LRRC49: variants seen among roughly 807,000 people sequenced by gnomAD.
LRRC49 encodes the protein leucine rich repeat containing 49.
In LRRC49, 50 loss-of-function variants were observed where a neutral mutation model predicts 83.3. That is an observed-to-expected ratio of 0.60 (90% CI 0.48 to 0.76). The LOEUF (loss-of-function observed/expected upper bound fraction) is 0.76. LRRC49 is among the 30% of genes least tolerant of loss of function. LRRC49 has a pLI of 0.00. For missense variants in LRRC49, 704 were observed against 809.1 expected, an observed-to-expected ratio of 0.87 and a Z score of 1.58; for synonymous variants, 286 against 283.3, an observed-to-expected ratio of 1.01 and a Z score of -0.10.
At chr15:70,891,567 CTG>C (rs3220843), upstream of LRRC49, among the ~76,000 whole-genome samples, 12,829 of 136,398 alleles carry the variant, frequency 0.094, 518 homozygotes, top group Middle Eastern at 0.14. Context: ...GGACAAGACT[CTG>C]TGTGTGTGTG....
intron 15 of LRRC49, among the ~76,000 whole-genome samples, chr15:71,037,780 T>A (rs1161543141): frequency 2.7e-5 from 4 of 150,674 alleles, no homozygotes; most frequent in Non-Finnish European, 2.9e-5. Context: ...TTCTACACCA[T>A]TTTTTTTATG....
At chr15:70,904,880 T>G (rs563832452) in intron 5 of LRRC49, 125 bp downstream of exon 5, 48 of 652,006 alleles carry the variant, frequency 7.4e-5, no homozygotes, top group Admixed American at 3.7e-4. Context: ...ATTATTTGAA[T>G]TAGTTGAATG....
intron 6 of LRRC49, among the ~76,000 whole-genome samples, chr15:70,914,582 T>G (rs1005562923): frequency 4.6e-5 from 7 of 152,116 alleles, no homozygotes; most frequent in African/African-American, 1.7e-4. Context: ...GGGGGCAGAT[T>G]GGATAAATAT....
At chr15:70,872,000 C>G (rs937471106) in intron 1 of LRRC49, among the ~76,000 whole-genome samples, 1 of 152,190 alleles carries the variant, frequency 6.6e-6, no homozygotes, top group African/African-American at 2.4e-5. Context: ...GGATGGCGGC[C>G]GGGCAGAGGC....
chr15:71,046,865 T>C (rs189111560), intron 15 of LRRC49, among the ~76,000 whole-genome samples: 1 of 152,204 alleles, frequency 6.6e-6, no homozygotes, highest in African/African-American at 2.4e-5. Flanking sequence ...TGTTTGTATA[T>C]GGTGAAAGAT....
chr15:71,043,926 G>T (rs543265096), intron 15 of LRRC49, among the ~76,000 whole-genome samples: 39 of 152,058 alleles, frequency 2.6e-4, no homozygotes, highest in Non-Finnish European at 5.2e-4. Flanking sequence ...ATAGAATTTT[G>T]TCTTTTTAAA....
At chr15:71,025,222 G>T (rs888888838) in intron 14 of LRRC49, among the ~76,000 whole-genome samples, 1 of 152,116 alleles carries the variant, frequency 6.6e-6, no homozygotes, top group African/African-American at 2.4e-5. Flanking sequence ...TCCATGAGAA[G>T]ATCAACCCCA....
At chr15:70,936,361 T>C (rs1351663519) in intron 7 of LRRC49, 2 of 157,780 alleles carry the variant, frequency 1.3e-5, no homozygotes, top group African/African-American at 2.4e-5. Context: ...AGAAAGCTAA[T>C]TGTATAAATT....
At chr15:70,860,642 C>A (rs1274559876) in intron 1 of LRRC49, among the ~76,000 whole-genome samples, 1 of 152,160 alleles carries the variant, frequency 6.6e-6, no homozygotes, top group Non-Finnish European at 1.5e-5. Flanking sequence ...AACTCTTGGC[C>A]TCCCAAAGTG....
intron 1 of LRRC49, chr15:70,859,141 T>C: frequency 7.3e-7 from 1 of 1,368,300 alleles, no homozygotes. Flanking sequence ...TCCAGAGCTA[T>C]ATCAACAACC....
At chr15:71,027,921 T>G (rs1029616332) in intron 14 of LRRC49, among the ~76,000 whole-genome samples, 1 of 152,208 alleles carries the variant, frequency 6.6e-6, no homozygotes, top group Admixed American at 6.5e-5. Flanking sequence ...CTCTTCCTAT[T>G]TGAATACACT....
At chr15:70,882,519 C>A in intron 2 of LRRC49, 1 of 1,613,822 alleles carries the variant, frequency 6.2e-7, no homozygotes, top group Non-Finnish European at 8.5e-7. Flanking sequence ...CTCTTGATAT[C>A]CCAGTCTGTA....
intron 6 of LRRC49, among the ~76,000 whole-genome samples, chr15:70,913,295 C>T (rs2141124591): frequency 6.6e-6 from 1 of 152,208 alleles, no homozygotes; most frequent in African/African-American, 2.4e-5. Flanking sequence ...TGGTGAAAAG[C>T]TAATGTAATT....
intron 14 of LRRC49, among the ~76,000 whole-genome samples, chr15:71,020,721 G>T (rs1436801579): frequency 2.0e-5 from 3 of 152,126 alleles, no homozygotes; most frequent in African/African-American, 4.8e-5. Flanking sequence ...CAGCAAATAT[G>T]TCTTTTAAGA....
chr15:70,994,309 T>G (rs1343703151), intron 11 of LRRC49, among the ~76,000 whole-genome samples: 4 of 152,206 alleles, frequency 2.6e-5, no homozygotes, highest in African/African-American at 9.6e-5. Context: ...CACATATTTC[T>G]GGACTATCCA....
chr15:71,009,630 A>T (rs1045208255), intron 12 of LRRC49, 177 bp from the exon 13 acceptor site: 52 of 474,458 alleles, frequency 1.1e-4, no homozygotes, highest in Non-Finnish European at 1.7e-4. Flanking sequence ...GGTGCATTGG[A>T]TGAATTAAAG....
At chr15:70,914,071 A>G (rs946519677) in intron 6 of LRRC49, among the ~76,000 whole-genome samples, 11 of 152,056 alleles carry the variant, frequency 7.2e-5, no homozygotes, top group Admixed American at 4.6e-4. Flanking sequence ...TAGAACCTTG[A>G]GAAGTAATTT....
At chr15:70,906,369 A>G (rs1318847597) in intron 5 of LRRC49, among the ~76,000 whole-genome samples, 1 of 152,176 alleles carries the variant, frequency 6.6e-6, no homozygotes, top group Admixed American at 6.5e-5. Context: ...TGCTGGGATT[A>G]CAGGCGTGAG....
At chr15:70,891,925 C>G, upstream of LRRC49, 1 of 1,613,830 alleles carries the variant, frequency 6.2e-7, no homozygotes, top group Non-Finnish European at 8.5e-7. Flanking sequence ...GCCTGGCTGC[C>G]TGGAGCTCTC....
Sources: gnomAD v4.1 joint callset for allele counts (sites outside exome capture counted in the v4.1 genomes callset) on GRCh38, gnomAD v4.1.1 for gene constraint, MANE v1.5 for transcripts, NCBI Gene and HGNC (gene_info 2026-07-23, HGNC 2026-07-21) for gene names.